Variants in RRP9 observed in about 807,000 individuals in gnomAD.
RRP9 encodes the protein ribosomal RNA processing 9, U3 small nucleolar RNA binding protein.
A neutral mutation model predicts 65.5 loss-of-function variants in RRP9; 35 were observed. That is an observed-to-expected ratio of 0.53 (90% confidence interval 0.41 to 0.71). The LOEUF (loss-of-function observed/expected upper bound fraction) is 0.71, where lower values mean the gene tolerates loss of function less well. Among genes scored for constraint, RRP9 ranks in the 30% least tolerant of loss-of-function variants. RRP9 has a pLI of 0.00. For synonymous variants in RRP9, 254 were observed against 245.0 expected, an observed-to-expected ratio of 1.04 and a Z score of -0.34; for missense variants, 533 against 633.6, an observed-to-expected ratio of 0.84 and a Z score of 1.70.
chr3:51,939,721 C>T (rs1699498062), intron 2 of RRP9, among the ~76,000 whole-genome samples: 1 of 152,188 alleles, frequency 6.6e-6, no homozygotes, highest in African/African-American at 2.4e-5. Context: ...AAATGATTAA[C>T]TCAAGTTAGG....
chr3:51,936,571 G>T lies in RRP9; in HGVS notation c.518-16C>A. On this transcript the variant is annotated splice_polypyrimidine_tract_variant and intron_variant, in intron 6 of 14. Coordinates refer to ENST00000232888, the MANE Select transcript of RRP9 (RefSeq NM_004704.5). ...TCCACGCTCCCTGCAGTTGGGGGTG[G>T]GGGAGAAGCTACTGGGATGGGGGGA... 1 of 1,612,430 alleles carries T rather than the reference G, an allele frequency of 6.2e-7. No homozygotes were observed.
chr3:51,933,854 G>A, intron 13 of RRP9, 73 bp from the exon 14 acceptor site: 1 of 1,443,110 alleles, frequency 6.9e-7, no homozygotes, highest in Non-Finnish European at 9.8e-7. Flanking sequence ...CACAGTCAAG[G>A]GCTGGGCCTT....
At chr3:51,941,321 T>G (rs761295815) in intron 2 of RRP9, 88 bp downstream of exon 2, 2 of 1,115,226 alleles carry the variant, frequency 1.8e-6, no homozygotes, top group Non-Finnish European at 2.8e-6. Context: ...TCTTGGATTC[T>G]AGGCTCAGTT....
rs1699477690 is a variant in RRP9 at position 51,937,886 on chromosome 3, G to C, written c.281-150C>G. 2 of 1,070,756 alleles carry C rather than the reference G, an allele frequency of 1.9e-6. No individual in the cohort carries two copies. Among genetic ancestry groups the C allele is most frequent in the Non-Finnish European group, 2.7e-6 (2 of 739,756 alleles). The allele number at this position is 1,070,756 out of a possible 1,614,324, so 66.3% of individuals were successfully genotyped here. A position where few individuals can be genotyped will look rare whatever the true frequency, so the allele number is the denominator to read the frequency against. On this transcript the variant is annotated intron_variant, in intron 3 of 14. Coordinates refer to ENST00000232888, the MANE Select transcript of RRP9 (RefSeq NM_004704.5). The surrounding 1 kb of genome is among the most constrained non-coding windows in gnomAD (Gnocchi z 5.0). ...AGGGCAAGCTGGAGGGTTTCCTCCT[G>C]CCTTTACTTATCAGATCAGCCCCCT... is the stretch of plus-strand genomic sequence containing the variant.
intron 2 of RRP9, among the ~76,000 whole-genome samples, 176 bp from the exon 3 acceptor site, chr3:51,938,380 C>T (rs138379396): frequency 6.6e-6 from 1 of 152,284 alleles, no homozygotes; most frequent in East Asian, 1.9e-4. Context: ...TAAAAGGCCC[C>T]ACTCAGTGCC....
chr3:51,933,446 T>G lies in RRP9; in HGVS notation c.*60A>C. 1.4e-6 allele frequency: 2 copies of G among 1,432,228 alleles called. No homozygotes were observed. Among genetic ancestry groups the G allele is most frequent in the Non-Finnish European group, 1.9e-6 (2 of 1,026,426 alleles). The allele number at this position is 1,432,228 out of a possible 1,614,324, so 88.7% of individuals were successfully genotyped here. ...GAAACAAGGCCCAAAAGAGGAGGCT[T>G]TTAATACAAAGAGGGTGGGGCATAG... is the stretch of plus-strand genomic sequence containing the variant. On this transcript the variant is annotated 3_prime_UTR_variant, in exon 15 of 15. Transcript: ENST00000232888.
In RRP9 at chr3:51,937,244, G is replaced by A; in HGVS notation, c.465C>T (p.Thr155=). 6.2e-7 allele frequency: 1 copy of A among 1,614,060 alleles called. No individual in the cohort carries two copies. Among genetic ancestry groups the A allele is most frequent in the South Asian group, 1.1e-5 (1 of 91,068 alleles). The change falls in exon 6 of 15, where the codon ACC becomes ACT. Residue 155 remains threonine, a synonymous_variant. Coordinates refer to ENST00000232888, the MANE Select transcript of RRP9 (RefSeq NM_004704.5). The surrounding 1 kb of genome is among the most constrained non-coding windows in gnomAD (Gnocchi z 5.0). ...CAGAGAAGATGGCTGAGTCATCGGGGGTGACGACCAAACATGTGATAGAGA... is the reference window on the plus strand; with the variant it reads ...CAGAGAAGATGGCTGAGTCATCGGGAGTGACGACCAAACATGTGATAGAGA... ...HQLSITCLVV[T]PDDSAIFSAA... is the part of the protein sequence containing the mutation.
chr3:51,935,528 C>G, intron 9 of RRP9, 52 bp from the exon 10 acceptor site: 2 of 1,613,922 alleles, frequency 1.2e-6, no homozygotes, highest in Non-Finnish European at 1.7e-6. Flanking sequence ...TGCATGAACT[C>G]ACGGGCACAC....
chr3:51,937,383 C>T lies in RRP9; in HGVS notation c.391-65G>A. Reference sequence around the variant, plus strand: ...AAAGGCACTACCTTCACCAACCCCACTGCGTAGTGTTGGCCTTTCCCACCC... The same window carrying T: ...AAAGGCACTACCTTCACCAACCCCATTGCGTAGTGTTGGCCTTTCCCACCC... On this transcript the variant is annotated intron_variant, in intron 5 of 14. Transcript: ENST00000232888. The surrounding 1 kb of genome is among the most constrained non-coding windows in gnomAD (Gnocchi z 5.0). 2 of 1,611,262 alleles carry T rather than the reference C, an allele frequency of 1.2e-6. No individual in the cohort carries two copies. Among genetic ancestry groups the T allele is most frequent in the Non-Finnish European group, 1.7e-6 (2 of 1,178,504 alleles).
At chr3:51,939,347 A>G (rs1699491295) in intron 2 of RRP9, among the ~76,000 whole-genome samples, 1 of 152,226 alleles carries the variant, frequency 6.6e-6, no homozygotes, top group African/African-American at 2.4e-5. Context: ...TCGGACTTCT[A>G]CTCAATTTAG....
chr3:51,940,904 A>G lies in RRP9; in HGVS notation c.170+505T>C, dbSNP rs186108182. On this transcript the variant is annotated intron_variant, in intron 2 of 14. Coordinates refer to ENST00000232888, the MANE Select transcript of RRP9 (RefSeq NM_004704.5). Reference sequence around the variant, plus strand: ...TGCCTTCCCTACCTCTCCGTGAGAGACTCCTCTTCATCTCTCAAGACCCTA... The same window carrying G: ...TGCCTTCCCTACCTCTCCGTGAGAGGCTCCTCTTCATCTCTCAAGACCCTA... Among the ~76,000 whole-genome samples the G allele has an allele frequency of 3.7e-4, 56 of 150,936 alleles. 1 individual carries two copies. The East Asian group carries it at 9.0e-3, about 24-fold the overall frequency.
At chr3:51,938,717 C>G (rs1439182139) in intron 2 of RRP9, among the ~76,000 whole-genome samples, 2 of 152,146 alleles carry the variant, frequency 1.3e-5, no homozygotes, top group African/African-American at 4.8e-5. Flanking sequence ...AAGCTGTGCT[C>G]CCAAACAAGA....
At chr3:51,936,680 G>T in intron 6 of RRP9, 125 bp from the exon 7 acceptor site, 1 of 1,050,360 alleles carries the variant, frequency 9.5e-7, no homozygotes, top group Non-Finnish European at 1.4e-6. Flanking sequence ...AGAAGACCTG[G>T]CTCAGCCACC....
In RRP9 at chr3:51,935,235, T is replaced by C; in HGVS notation, c.996A>G (p.Leu332=). Residue 332 remains leucine (L), a synonymous_variant, in exon 11 of 15, where the codon CTA becomes CTG. Transcript: ENST00000232888. ...GHQGSIDCIH[L]INEEHMVSGA... ...CGGACACCATGTGCTCCTCATTGATTAGGTGGATGCAGTCGATGGAGCCCC... is the reference window on the plus strand; with the variant it reads ...CGGACACCATGTGCTCCTCATTGATCAGGTGGATGCAGTCGATGGAGCCCC... 6.2e-7 allele frequency: 1 copy of C among 1,614,104 alleles called. No individual in the cohort carries two copies. Among genetic ancestry groups the C allele is most frequent in the East Asian group, 2.2e-5 (1 of 44,858 alleles).
Position 51,934,423 on chromosome 3 carries a change from C to T in RRP9, c.1260+49G>A. The T allele has an allele frequency of 6.4e-7, 1 of 1,568,850 alleles. No homozygotes were observed. Among genetic ancestry groups the T allele is most frequent in the Non-Finnish European group, 8.7e-7 (1 of 1,149,966 alleles). On this transcript the variant is annotated intron_variant, in intron 13 of 14. Coordinates refer to ENST00000232888, the MANE Select transcript of RRP9 (RefSeq NM_004704.5). The surrounding 1 kb of genome is among the most constrained non-coding windows in gnomAD (Gnocchi z 4.1). ...ACCTTAAAGAGCTAACTCCAGGGGC[C>T]TAGGCAGTGTGGCAGAGACAGGCTG... is the stretch of plus-strand genomic sequence containing the variant.
chr3:51,935,168 T>A (rs763044163), intron 11 of RRP9, 29 bp downstream of exon 11: 1 of 1,609,156 alleles, frequency 6.2e-7, no homozygotes, highest in Admixed American at 1.7e-5. Flanking sequence ...GCAGAAGCCG[T>A]GGCCAGAGAC....
Position 51,934,418 on chromosome 3 carries a change from G to C in RRP9, c.1260+54C>G. The stretch of plus-strand genomic sequence containing the variant: ...GAAAGACCTTAAAGAGCTAACTCCA[G>C]GGGCCTAGGCAGTGTGGCAGAGACA... On this transcript the variant is annotated intron_variant, in intron 13 of 14. Transcript: ENST00000232888. This position sits in a 1 kb window ranked among gnomAD's most constrained non-coding sequence, Gnocchi z 4.1. The C allele has an allele frequency of 6.5e-7, 1 of 1,539,284 alleles. No homozygotes were observed. The highest frequency in any genetic ancestry group is 8.8e-7 in the Non-Finnish European group (1 of 1,132,020).
rs1699424762 is a variant in RRP9 at position 51,934,207 on chromosome 3, G to T, written c.1260+265C>A. 6.6e-6 allele frequency among the ~76,000 whole-genome samples: 1 copy of T among 152,160 alleles called. No homozygotes were observed. Among genetic ancestry groups the T allele is most frequent in the Non-Finnish European group, 1.5e-5 (1 of 68,018 alleles). Reference sequence around the variant, plus strand: ...CCTGGCACCCAATCTGGCACCAGCAGTACAGAATTCATCACAGGGCCAGGC... The same window carrying T: ...CCTGGCACCCAATCTGGCACCAGCATTACAGAATTCATCACAGGGCCAGGC... On this transcript the variant is annotated intron_variant, in intron 13 of 14. Coordinates refer to ENST00000232888, the MANE Select transcript of RRP9 (RefSeq NM_004704.5). The surrounding 1 kb of genome is among the most constrained non-coding windows in gnomAD (Gnocchi z 4.1).
Position 51,941,490 on chromosome 3 carries a change from G to A in RRP9, c.89C>T (p.Ala30Val), listed in dbSNP as rs767324378. The A allele has an allele frequency of 2.5e-6, 4 of 1,613,960 alleles. No individual in the cohort carries two copies. Among genetic ancestry groups the A allele is most frequent in the Middle Eastern group, 1.6e-4 (1 of 6,062 alleles). Residue 30 changes from alanine (A) to valine (V), a missense_variant and splice_region_variant, in exon 2 of 15, where the codon GCC becomes GTC. This residue lies in a region of RRP9 where 77 missense variants were observed against 60.5 expected (regional missense o/e 1.27). Transcript: ENST00000232888. ...TTTGCCCCTGTCCCCCGCAGAGTCG[G>A]CCTGGGAATTATACGGTCTTTTCTT... ...GAGAGKRRRK[A>V]DSAGDRGKSK...
Sources: allele counts gnomAD v4.1 joint callset (sites outside exome capture counted in the v4.1 genomes callset), GRCh38; gene constraint gnomAD v4.1.1; regional missense constraint gnomAD v4.1.1; non-coding constraint Gnocchi (gnomAD v3.1); transcripts MANE v1.5; gene names NCBI Gene and HGNC (gene_info 2026-07-23, HGNC 2026-07-21).